Variants in UNC5C observed in about 807,000 individuals in gnomAD.
The protein encoded by UNC5C is unc-5 netrin receptor C.
In UNC5C, 47 loss-of-function variants were observed where a neutral mutation model predicts 99.8. The observed-to-expected ratio is 0.47, with a 90% CI of 0.37 to 0.60. The LOEUF (loss-of-function observed/expected upper bound fraction) is 0.60. Ranked by LOEUF, UNC5C falls within the 20% of genes least tolerant of loss-of-function variation. The pLI is 0.00. For missense variants in UNC5C, 1,062 were observed against 1,165.9 expected, an observed-to-expected ratio of 0.91 and a Z score of 1.30; for synonymous variants, 487 against 452.2, an observed-to-expected ratio of 1.08 and a Z score of -0.98.
intron 12 of UNC5C, among the ~76,000 whole-genome samples, chr4:95,196,577 AT>A (rs1737404512): frequency 6.6e-6 from 1 of 150,884 alleles, no homozygotes; most frequent in Non-Finnish European, 1.5e-5. Flanking sequence ...TCAGGTGACC[AT>A]TTTTGCCCCA....
rs367569554 is a variant in UNC5C, at chr4:95,494,095, G to A, written c.124+54639C>T. 3.3e-5 allele frequency among the ~76,000 whole-genome samples: 5 copies of A among 151,558 alleles called. No homozygotes were observed. The East Asian group carries it at 7.8e-4, about 24-fold the overall frequency. On this transcript the variant is annotated intron_variant, in intron 1 of 15. Coordinates refer to ENST00000453304, the MANE Select transcript of UNC5C (RefSeq NM_003728.4). ...CAGGGTTCTTAAAAATGTTCCCCAG[G>A]TTGAAAAGGACAAGAAAGAAAAATC...
At chr4:95,442,812 G>A (rs1026078196) in intron 1 of UNC5C, among the ~76,000 whole-genome samples, 3 of 132,190 alleles carry the variant, frequency 2.3e-5, no homozygotes, top group Non-Finnish European at 4.9e-5. Flanking sequence ...GAGTGTGTGC[G>A]CCAATACACA....
intron 1 of UNC5C, among the ~76,000 whole-genome samples, chr4:95,524,806 G>T (rs1028714219): frequency 3.3e-5 from 5 of 152,196 alleles, no homozygotes; most frequent in Non-Finnish European, 7.3e-5. Flanking sequence ...CTGTGTGGTA[G>T]AAAGCAGCTG....
At chr4:95,352,848 C>G (rs1482529350) in intron 1 of UNC5C, among the ~76,000 whole-genome samples, 4 of 152,084 alleles carry the variant, frequency 2.6e-5, no homozygotes, top group Non-Finnish European at 5.9e-5. Context: ...TACTGATTTG[C>G]CTTGCTCTAG....
At chr4:95,183,956 C>T (rs939748726) in intron 13 of UNC5C, among the ~76,000 whole-genome samples, 7 of 152,110 alleles carry the variant, frequency 4.6e-5, no homozygotes, top group South Asian at 2.1e-4. Context: ...GGTAAGCATT[C>T]GGCCAGGCTT....
intron 1 of UNC5C, among the ~76,000 whole-genome samples, chr4:95,371,433 G>C (rs1420082809): frequency 3.5e-5 from 2 of 57,476 alleles, no homozygotes; most frequent in South Asian, 3.9e-4. Flanking sequence ...TGGGGGGGGG[G>C]GAGTATCAAA....
chr4:95,238,438 T>C (rs1487934166), intron 7 of UNC5C, among the ~76,000 whole-genome samples: 1 of 152,156 alleles, frequency 6.6e-6, no homozygotes, highest in African/African-American at 2.4e-5. Flanking sequence ...GAGCAATATA[T>C]AGAAAATGGA....
At chr4:95,481,299 A>C (rs960140778) in intron 1 of UNC5C, among the ~76,000 whole-genome samples, 18 of 152,032 alleles carry the variant, frequency 1.2e-4, no homozygotes, top group Admixed American at 4.6e-4. Flanking sequence ...ATCCAACTTA[A>C]AAGGGATGTG....
chr4:95,547,235 A>AG (rs141253183), intron 1 of UNC5C, among the ~76,000 whole-genome samples: 1,674 of 151,914 alleles, frequency 0.011, 12 homozygotes, highest in Non-Finnish European at 0.016. Context: ...CTGGCGAGAA[A>AG]GGAAGGAAGG....
At chr4:95,367,438 C>T (rs1178463128) in intron 1 of UNC5C, among the ~76,000 whole-genome samples, 2 of 152,116 alleles carry the variant, frequency 1.3e-5, no homozygotes, top group African/African-American at 4.8e-5. Flanking sequence ...CTTGGCCTCC[C>T]AAAGTGCTGG....
intron 1 of UNC5C, among the ~76,000 whole-genome samples, chr4:95,353,097 C>T (rs1744046746): frequency 6.6e-6 from 1 of 152,082 alleles, no homozygotes; most frequent in African/African-American, 2.4e-5. Flanking sequence ...GCACTTAATG[C>T]CTTATTCCTT....
At chr4:95,489,107 AGG>A (rs1232633107) in intron 1 of UNC5C, among the ~76,000 whole-genome samples, 2 of 97,374 alleles carry the variant, frequency 2.1e-5, no homozygotes, top group African/African-American at 8.0e-5. Flanking sequence ...GGAAAGGGGG[AGG>A]GGGAGAGGAG....
At chr4:95,381,812 T>C (rs1745079420) in intron 1 of UNC5C, among the ~76,000 whole-genome samples, 1 of 152,112 alleles carries the variant, frequency 6.6e-6, no homozygotes, top group African/African-American at 2.4e-5. Context: ...ATCTTTGTGG[T>C]TATTGGGATA....
At chr4:95,333,228 C>A (rs1459642524) in intron 2 of UNC5C, among the ~76,000 whole-genome samples, 1 of 152,034 alleles carries the variant, frequency 6.6e-6, no homozygotes, top group Admixed American at 6.6e-5. Context: ...TGGGTATATA[C>A]CCAAAGGACT....
At position 95,530,328 on chromosome 4, in the gene UNC5C, C is replaced by T. The variant is rs78465995; in HGVS notation, c.124+18406G>A. On this transcript the variant is annotated intron_variant, in intron 1 of 15. Transcript: ENST00000453304. ...TTCCAAAAATATATGCTAAGCACAT[C>T]TGGTAATGAATGGGGTCATACAGAT... Among the ~76,000 whole-genome samples, 269 of 152,242 alleles carry T rather than the reference C, an allele frequency of 1.8e-3. 5 individuals are homozygous for T. The East Asian group carries it at 0.045, about 25-fold the overall frequency.
chr4:95,526,222 G>C (rs1464648986), intron 1 of UNC5C, among the ~76,000 whole-genome samples: 2 of 152,006 alleles, frequency 1.3e-5, no homozygotes, highest in African/African-American at 4.8e-5. Context: ...TATCCATCTT[G>C]TTTACCCAGG....
At chr4:95,207,241 A>G (rs538394017) in intron 10 of UNC5C, among the ~76,000 whole-genome samples, 1 of 152,314 alleles carries the variant, frequency 6.6e-6, no homozygotes, top group East Asian at 1.9e-4. Flanking sequence ...TTAAAAAATC[A>G]TTTCAGAATG....
chr4:95,545,453 CT>C (rs1275152824), intron 1 of UNC5C, among the ~76,000 whole-genome samples: 1 of 152,012 alleles, frequency 6.6e-6, no homozygotes, highest in Non-Finnish European at 1.5e-5. Context: ...TTGTAATGAA[CT>C]TTAGTTGTCT....
At chr4:95,269,081 T>G (rs1438074483) in intron 4 of UNC5C, among the ~76,000 whole-genome samples, 1 of 152,206 alleles carries the variant, frequency 6.6e-6, no homozygotes, top group Non-Finnish European at 1.5e-5. Context: ...TATTTGTTTG[T>G]TTTAACTTTG....
Sources: gnomAD v4.1 joint callset for allele counts (sites outside exome capture counted in the v4.1 genomes callset) on GRCh38, gnomAD v4.1.1 for gene constraint, MANE v1.5 for transcripts, NCBI Gene and HGNC (gene_info 2026-07-23, HGNC 2026-07-21) for gene names.